TTC6: variants seen among roughly 807,000 people sequenced by gnomAD.
TTC6 encodes the protein tetratricopeptide repeat protein 6.
TTC6 carries 172 observed loss-of-function variants against 210.4 expected under a neutral mutation model. The observed-to-expected ratio is 0.82, with a 90% confidence interval of 0.72 to 0.93. The LOEUF is 0.93. TTC6 is among the 40% of genes least tolerant of loss of function. The probability of loss-of-function intolerance (pLI) is 0.00; values close to 1 mark genes in which losing one functional copy is unlikely to be tolerated. For missense variants in TTC6, 2,414 were observed against 2,318.1 expected, an observed-to-expected ratio of 1.04 and a Z score of -0.85; for synonymous variants, 804 against 819.6, an observed-to-expected ratio of 0.98 and a Z score of 0.32.
At chr14:37,818,409 G>A (rs528314874) in intron 26 of TTC6, among the ~76,000 whole-genome samples, 10 of 152,132 alleles carry the variant, frequency 6.6e-5, no homozygotes, top group South Asian at 4.1e-4. Flanking sequence ...CAGCCTGCGA[G>A]GATTTTAATT....
intron 2 of TTC6, among the ~76,000 whole-genome samples, chr14:37,610,883 G>A (rs11844358): frequency 0.65 from 99,121 of 152,150 alleles, 33,951 homozygotes; most frequent in African/African-American, 0.87. Flanking sequence ...TTTGTGAGAC[G>A]TTCATCTGTG....
chr14:37,691,260 T>C (rs2095803081), intron 3 of TTC6, among the ~76,000 whole-genome samples: 1 of 151,936 alleles, frequency 6.6e-6, no homozygotes, highest in Non-Finnish European at 1.5e-5. Context: ...AAACCGGCAG[T>C]TGGAGGTTGC....
intron 1 of TTC6, among the ~76,000 whole-genome samples, chr14:37,663,148 T>C (rs177889): frequency 0.061 from 9,290 of 152,206 alleles, 397 homozygotes; most frequent in Non-Finnish European, 0.089. Context: ...GCATTTTATT[T>C]TTTTTGTGGT....
intron 1 of TTC6, among the ~76,000 whole-genome samples, chr14:37,637,339 T>C (rs763953094): frequency 1.3e-5 from 2 of 152,234 alleles, no homozygotes; most frequent in Non-Finnish European, 2.9e-5. Flanking sequence ...ATTTTTTTGT[T>C]CTACAAAAGA....
rs187229973 is a variant in TTC6, at chr14:37,732,667, A to G, written c.1819-3254A>G. On this transcript the variant is annotated intron_variant, in intron 7 of 30. Transcript: ENST00000553443. Reference sequence around the variant, plus strand: ...GGAGTCTTGCTCTGTCGCCCAGGCTAGAGTGCAGTGGCACAATCTCGGCTC... The same window carrying G: ...GGAGTCTTGCTCTGTCGCCCAGGCTGGAGTGCAGTGGCACAATCTCGGCTC... Among the ~76,000 whole-genome samples the G allele has an allele frequency of 1.1e-3, 168 of 150,978 alleles. 3 individuals are homozygous for G. The East Asian group carries it at 0.021, about 19-fold the overall frequency.
chr14:37,677,510 T>C (rs993366895), intron 1 of TTC6, among the ~76,000 whole-genome samples: 2 of 152,066 alleles, frequency 1.3e-5, no homozygotes, highest in African/African-American at 4.8e-5. Flanking sequence ...TTTTTTATAA[T>C]TAGTGGTTTT....
At chr14:37,648,956 T>C (rs1193322976) in intron 1 of TTC6, among the ~76,000 whole-genome samples, 2 of 152,078 alleles carry the variant, frequency 1.3e-5, no homozygotes, top group Non-Finnish European at 2.9e-5. Context: ...AACAGAGATG[T>C]GCAAGAATCA....
At chr14:37,622,644 C>G (rs2095653461) in exon 1 of TTC6, 2 of 1,535,158 alleles carry the variant, frequency 1.3e-6, no homozygotes, top group Non-Finnish European at 1.7e-6. Flanking sequence ...GGTAGCTCCT[C>G]TCGCAGGGCC....
At chr14:37,698,997 C>A (rs189010804) in intron 4 of TTC6, among the ~76,000 whole-genome samples, 1 of 152,238 alleles carries the variant, frequency 6.6e-6, no homozygotes, top group East Asian at 1.9e-4. Flanking sequence ...TTCTTTACAC[C>A]ATGCTAATCT....
At chr14:37,666,640 A>G (rs2095748727) in intron 1 of TTC6, among the ~76,000 whole-genome samples, 2 of 150,222 alleles carry the variant, frequency 1.3e-5, no homozygotes, top group Admixed American at 1.3e-4. Context: ...AGAGAAAGGG[A>G]TGGGAAGTAA....
At chr14:37,650,455 A>G (rs959088988) in intron 1 of TTC6, among the ~76,000 whole-genome samples, 8 of 152,098 alleles carry the variant, frequency 5.3e-5, no homozygotes, top group East Asian at 1.9e-4. Context: ...ATCTTATTCT[A>G]TTCTGCCCTA....
intron 2 of TTC6, among the ~76,000 whole-genome samples, chr14:37,681,760 C>A (rs2095784194): frequency 6.6e-6 from 1 of 152,106 alleles, no homozygotes; most frequent in South Asian, 2.1e-4. Context: ...GATTCCCTAC[C>A]TTTGAAAATT....
At chr14:37,675,373 A>G (rs772040499) in intron 1 of TTC6, among the ~76,000 whole-genome samples, 1 of 152,114 alleles carries the variant, frequency 6.6e-6, no homozygotes, top group Non-Finnish European at 1.5e-5. Context: ...TGTTTTCAAG[A>G]TTCATCCAAC....
At chr14:37,740,068 G>T (rs940219760) in intron 10 of TTC6, among the ~76,000 whole-genome samples, 5 of 150,952 alleles carry the variant, frequency 3.3e-5, no homozygotes, top group African/African-American at 1.2e-4. Flanking sequence ...GGAGGCTGAG[G>T]CAGGAGAATG....
intron 1 of TTC6, among the ~76,000 whole-genome samples, chr14:37,679,377 T>G (rs1490717321): frequency 1.3e-5 from 2 of 152,168 alleles, no homozygotes; most frequent in East Asian, 3.9e-4. Flanking sequence ...TTGTTAGTAG[T>G]TGGAGTGTAC....
At chr14:37,797,975 G>A (rs377704335) in intron 20 of TTC6, among the ~76,000 whole-genome samples, 1 of 151,948 alleles carries the variant, frequency 6.6e-6, no homozygotes, top group African/African-American at 2.4e-5. Context: ...TGGATCATGT[G>A]CTATTTTAGA....
intron 29 of TTC6, among the ~76,000 whole-genome samples, chr14:37,838,050 G>T (rs558231708): frequency 1.3e-5 from 2 of 152,328 alleles, no homozygotes; most frequent in South Asian, 4.1e-4. Context: ...ATAGAAGCCA[G>T]ATTGTGTTTG....
At chr14:37,731,704 G>C (rs1277794999) in intron 7 of TTC6, among the ~76,000 whole-genome samples, 2 of 152,152 alleles carry the variant, frequency 1.3e-5, no homozygotes, top group Non-Finnish European at 1.5e-5. Context: ...TTTTACCTTA[G>C]AGTCTATCTT....
At chr14:37,690,796 A>G (rs1023992623) in intron 3 of TTC6, among the ~76,000 whole-genome samples, 3 of 151,830 alleles carry the variant, frequency 2.0e-5, no homozygotes, top group Admixed American at 6.5e-5. Flanking sequence ...CATCCCACCT[A>G]CAGCATTGGA....
Sources: allele counts gnomAD v4.1 joint callset (sites outside exome capture counted in the v4.1 genomes callset), GRCh38; gene constraint gnomAD v4.1.1; transcripts MANE v1.5; gene names NCBI Gene and HGNC (gene_info 2026-07-23, HGNC 2026-07-21).